MYH13: variants seen among roughly 807,000 people sequenced by gnomAD.
MYH13 encodes the protein myosin-13.
MYH13 carries 177 observed loss-of-function variants against 232.1 expected under a neutral mutation model. The observed-to-expected ratio is 0.76, with a 90% confidence interval of 0.67 to 0.86. MYH13 has a LOEUF of 0.86. Among genes scored for constraint, MYH13 ranks in the 40% least tolerant of loss-of-function variants. The pLI is 0.00. For missense variants in MYH13, 2,246 were observed against 2,405.9 expected (o/e 0.93, Z 1.39); for synonymous variants, 884 against 923.5 (o/e 0.96, Z 0.78).
Position 10,311,200 on chromosome 17 carries a change from A to G in MYH13, c.4559T>C (p.Ile1520Thr), listed in dbSNP as rs992745648. The change falls in exon 33 of 41, where the codon ATT becomes ACT. Residue 1520 changes from isoleucine to threonine, a missense_variant. Ile to Thr is a moderately conservative substitution (Grantham distance 89, BLOSUM62 -1). Coordinates refer to ENST00000252172, the MANE Select transcript of MYH13 (RefSeq NM_003802.3). ...QEEISDLTEQ[I>T]AETGKNLQEA... is the part of the protein sequence containing the mutation. Reference sequence around the variant, plus strand: ...CTGAAGATTCTTGCCAGTTTCTGCAATCTGCTCAGTTAAGTCGGAAATCTC... The same window carrying G: ...CTGAAGATTCTTGCCAGTTTCTGCAGTCTGCTCAGTTAAGTCGGAAATCTC... 2.5e-6 allele frequency: 4 copies of G among 1,613,916 alleles called. No individual in the cohort carries two copies. The highest frequency in any genetic ancestry group is 1.3e-5 in the African/African-American group (1 of 74,926).
chr17:10,313,220 G>A lies in MYH13; in HGVS notation c.4119C>T (p.Ala1373=), dbSNP rs190159101. Residue 1373 remains alanine (A), a synonymous_variant, in exon 30 of 41, where the codon GCC becomes GCT. Coordinates refer to ENST00000252172, the MANE Select transcript of MYH13 (RefSeq NM_003802.3). ...RALSKANSEV[A]QWRTKYETDA... is the part of the protein sequence containing the mutation. ...CCGTCTCGTATTTGGTCCTCCACTG[G>A]GCAACCTCACTGTTGGCCTTGGACA... The A allele has an allele frequency of 4.5e-3, 7,195 of 1,614,164 alleles. 22 individuals carry two copies. Among genetic ancestry groups the A allele is most frequent in the Admixed American group, 6.4e-3 (384 of 60,020 alleles).
rs1245458448 is a variant in MYH13 at position 10,330,396 on chromosome 17, A to G, written c.2426T>C (p.Met809Thr). Residue 809 changes from methionine to threonine, a missense_variant, in exon 21 of 41, where the codon ATG (methionine) becomes ACG (threonine). By Grantham distance (81) the Met-to-Thr change is moderately conservative (BLOSUM62 -1). Coordinates refer to ENST00000252172, the MANE Select transcript of MYH13 (RefSeq NM_003802.3). ...YLMRVEFKKM[M>T]ERRDSIFCIQ... Reference sequence around the variant, plus strand: ...TGAGGGTCTGTGTCACCTCCTCTCCATCATCTTCTTGAACTCCACCCGCAT... The same window carrying G: ...TGAGGGTCTGTGTCACCTCCTCTCCGTCATCTTCTTGAACTCCACCCGCAT... The G allele has an allele frequency of 6.2e-6, 10 of 1,613,572 alleles. No individual in the cohort carries two copies. The highest frequency in any genetic ancestry group is 8.5e-6 in the Non-Finnish European group (10 of 1,179,740).
chr17:10,345,083 A>C (rs548685126), intron 15 of MYH13, 119 bp downstream of exon 15: 14 of 1,504,806 alleles, frequency 9.3e-6, no homozygotes, highest in African/African-American at 4.2e-5. Flanking sequence ...TCAGTTATCT[A>C]TCTGAAGGCT....
At chr17:10,372,022 G>A (rs940771025) in intron 1 of MYH13, among the ~76,000 whole-genome samples, 15 of 152,046 alleles carry the variant, frequency 9.9e-5, no homozygotes, top group African/African-American at 3.6e-4. Flanking sequence ...ATGGAGCCAG[G>A]GGAATATTTC....
intron 8 of MYH13, 72 bp from the exon 9 acceptor site, chr17:10,355,219 T>G (rs1219904897): frequency 7.1e-7 from 1 of 1,414,568 alleles, no homozygotes; most frequent in African/African-American, 1.4e-5. Context: ...CTTAGATAGG[T>G]GCTGCCACAG....
At chr17:10,368,699 A>G (rs1299905529) in intron 2 of MYH13, among the ~76,000 whole-genome samples, 1 of 152,210 alleles carries the variant, frequency 6.6e-6, no homozygotes, top group Non-Finnish European at 1.5e-5. Flanking sequence ...ATTGTGAAAG[A>G]GTTTTAGCCT....
At chr17:10,358,307 G>A (rs190203413) in intron 7 of MYH13, among the ~76,000 whole-genome samples, 1 of 152,268 alleles carries the variant, frequency 6.6e-6, no homozygotes, top group East Asian at 1.9e-4. Context: ...AAACTTATGA[G>A]AATGATTATT....
At chr17:10,358,635 T>C (rs1485291511) in intron 7 of MYH13, among the ~76,000 whole-genome samples, 1 of 152,000 alleles carries the variant, frequency 6.6e-6, no homozygotes, top group Non-Finnish European at 1.5e-5. Flanking sequence ...GTGGTTCCTG[T>C]AGTCTTAGCT....
intron 29 of MYH13, among the ~76,000 whole-genome samples, chr17:10,313,741 T>C (rs1906603656): frequency 6.6e-6 from 1 of 152,222 alleles, no homozygotes; most frequent in South Asian, 2.1e-4. Context: ...GCTAAGGAAG[T>C]GTGGTTCACA....
chr17:10,323,875 GACTTA>G (rs1251007952), intron 23 of MYH13, 142 bp downstream of exon 23: 1 of 1,002,252 alleles, frequency 1.0e-6, no homozygotes, highest in Admixed American at 2.9e-5. Flanking sequence ...AACTTGTTGG[GACTTA>G]ACTACCCTTC....
chr17:10,346,809 A>G lies in MYH13; in HGVS notation c.1145-11T>C, dbSNP rs2071670108. 1 of 1,606,512 alleles carries G rather than the reference A, an allele frequency of 6.2e-7. No individual in the cohort carries two copies. Among genetic ancestry groups the G allele is most frequent in the Middle Eastern group, 1.7e-4 (1 of 6,040 alleles). On this transcript the variant is annotated splice_polypyrimidine_tract_variant and intron_variant, in intron 12 of 40. Coordinates refer to ENST00000252172, the MANE Select transcript of MYH13 (RefSeq NM_003802.3). ...CGGCTTTGTCAGCCACTGAAGGAAG[A>G]GAAAAAAATGGCATCATGCAAAAAC...
rs139709117 is a variant in MYH13, at chr17:10,360,948, A to G, written c.506-760T>C. 2.9e-3 allele frequency among the ~76,000 whole-genome samples: 446 copies of G among 152,290 alleles called. 4 individuals carry two copies. Among genetic ancestry groups the G allele is most frequent in the African/African-American group, 0.01 (417 of 41,558 alleles). On this transcript the variant is annotated intron_variant, in intron 5 of 40. Coordinates refer to ENST00000252172, the MANE Select transcript of MYH13 (RefSeq NM_003802.3). ...TTTCTGCTAGCAAACCATAGAAGCTAGGAGAGAGAGACATGGGCCAGATTC... is the reference window on the plus strand; with the variant it reads ...TTTCTGCTAGCAAACCATAGAAGCTGGGAGAGAGAGACATGGGCCAGATTC...
chr17:10,314,284 A>T (rs1439359765), intron 29 of MYH13, among the ~76,000 whole-genome samples: 1 of 152,052 alleles, frequency 6.6e-6, no homozygotes. Context: ...GCATGGTGGC[A>T]CATGCACGTA....
chr17:10,360,274 C>T (rs1460836864), intron 5 of MYH13, 86 bp from the exon 6 acceptor site: 9 of 1,455,674 alleles, frequency 6.2e-6, no homozygotes, highest in East Asian at 2.4e-5. Context: ...GGTTGGAGAA[C>T]ATAGGCTCTA....
chr17:10,338,195 C>A (rs1187748053), intron 18 of MYH13, among the ~76,000 whole-genome samples: 8 of 151,496 alleles, frequency 5.3e-5, no homozygotes, highest in Non-Finnish European at 1.2e-4. Flanking sequence ...CAAACATGTA[C>A]TCAACGACGA....
chr17:10,347,712 CTTTTT>C (rs71139041), intron 12 of MYH13, among the ~76,000 whole-genome samples: 51 of 86,732 alleles, frequency 5.9e-4, no homozygotes, highest in African/African-American at 2.2e-3. Context: ...GGGACTACTT[CTTTTT>C]TTTTTTTTTT....
chr17:10,366,331 A>C (rs1385577687), intron 2 of MYH13, among the ~76,000 whole-genome samples: 4 of 150,360 alleles, frequency 2.7e-5, no homozygotes, highest in Non-Finnish European at 4.4e-5. Flanking sequence ...ATACACACAC[A>C]CACGCACACC....
Position 10,301,640 on chromosome 17 carries a change from C to T in MYH13, c.5731G>A (p.Ala1911Thr), listed in dbSNP as rs572120351. ...GACTCAGCGATGTCCGCCCTCTCCG[C>T]GGCCTCCTCTAGCTCATGCTGGACT... is the stretch of plus-strand genomic sequence containing the variant. ...RRVQHELEEA[A>T]ERADIAESQV... The change falls in exon 40 of 41, where the codon GCG becomes ACG. Residue 1911 changes from alanine to threonine, a missense_variant. Coordinates refer to ENST00000252172, the MANE Select transcript of MYH13 (RefSeq NM_003802.3). 1.5e-5 allele frequency: 24 copies of T among 1,614,222 alleles called. No individual in the cohort carries two copies. The highest frequency in any genetic ancestry group is 3.3e-4 in the Middle Eastern group (2 of 6,062).
In MYH13 at chr17:10,356,431, G is replaced by C. The variant is rs559667446; in HGVS notation, c.739-1284C>G. Among the ~76,000 whole-genome samples, 4 of 152,336 alleles carry C rather than the reference G, an allele frequency of 2.6e-5. No individual in the cohort carries two copies. In the East Asian group the frequency reaches 5.8e-4, roughly 22 times the overall value. On this transcript the variant is annotated intron_variant, in intron 8 of 40. Transcript: ENST00000252172. ...AACTAAGTAAATGGGAATGAGAAGA[G>C]GGAGTGCCTGAAGGTATTGTCTTTC...
Sources: allele counts gnomAD v4.1 joint callset (sites outside exome capture counted in the v4.1 genomes callset), GRCh38; gene constraint gnomAD v4.1.1; transcripts MANE v1.5; gene names NCBI Gene and HGNC (gene_info 2026-07-23, HGNC 2026-07-21).